PRSS23: variants seen among roughly 807,000 people sequenced by gnomAD.
PRSS23 encodes serine protease 23, also known as protease, serine 23.
In PRSS23, 25 loss-of-function variants were observed where a neutral mutation model predicts 34.7. The ratio of observed to expected loss-of-function variants is 0.72; its 90% CI spans 0.53 to 1.01. The LOEUF is 1.01. Ranked by LOEUF, PRSS23 falls within the 50% of genes least tolerant of loss-of-function variation. The pLI, the probability that PRSS23 is intolerant of heterozygous loss-of-function variation, is 0.00. For missense variants in PRSS23, 445 were observed against 475.6 expected (o/e 0.94, Z 0.60); for synonymous variants, 176 against 186.6 (o/e 0.94, Z 0.46).
At chr11:86,825,112 C>T (rs1205655863) in intron 2 of PRSS23, among the ~76,000 whole-genome samples, 6 of 151,600 alleles carry the variant, frequency 4.0e-5, no homozygotes, top group Admixed American at 1.3e-4. Flanking sequence ...TAAAAGTGTT[C>T]CTATTTCTCC....
intron 2 of PRSS23, among the ~76,000 whole-genome samples, chr11:86,865,580 G>T (rs1317498126): frequency 1.3e-5 from 2 of 152,210 alleles, no homozygotes; most frequent in Non-Finnish European, 2.9e-5. Flanking sequence ...GAGGGAGAAA[G>T]CAAGCTGTTG....
intron 1 of PRSS23, among the ~76,000 whole-genome samples, chr11:86,805,456 A>C (rs1207607869): frequency 6.6e-6 from 1 of 152,244 alleles, no homozygotes; most frequent in Non-Finnish European, 1.5e-5. Flanking sequence ...GTGTGTGCAC[A>C]TATGCGGGCA....
chr11:86,831,224 A>T (rs1241035538), intron 2 of PRSS23, among the ~76,000 whole-genome samples: 1 of 152,122 alleles, frequency 6.6e-6, no homozygotes, highest in Non-Finnish European at 1.5e-5. Context: ...TCCTAAGGGA[A>T]TATTACTCCT....
intron 2 of PRSS23, among the ~76,000 whole-genome samples, chr11:86,922,358 A>G (rs1291052551): frequency 6.6e-6 from 1 of 152,148 alleles, no homozygotes; most frequent in Non-Finnish European, 1.5e-5. Context: ...AAATGTGACC[A>G]GGTACAGTGG....
chr11:86,810,195 C>T lies in PRSS23; in HGVS notation c.*1400C>T, dbSNP rs1012139918. ...TTGTATGTTTTTATTTTATGGCTCTCGGCCTAAGCACTTCTTTCTAAATGT... is the reference window on the plus strand; with the variant it reads ...TTGTATGTTTTTATTTTATGGCTCTTGGCCTAAGCACTTCTTTCTAAATGT... On this transcript the variant is annotated 3_prime_UTR_variant, in exon 2 of 2. Transcript: ENST00000280258. 3 of 166,768 alleles carry T rather than the reference C, an allele frequency of 1.8e-5. No homozygotes were observed. The highest frequency in any genetic ancestry group is 2.9e-5 in the Non-Finnish European group (2 of 68,128). The allele number at this position is 166,768 out of a possible 1,614,324, so 10.3% of individuals were successfully genotyped here.
At chr11:86,852,763 C>G (rs535945058) in intron 2 of PRSS23, among the ~76,000 whole-genome samples, 1 of 152,098 alleles carries the variant, frequency 6.6e-6, no homozygotes, top group African/African-American at 2.4e-5. Context: ...CTCTCTCGCC[C>G]ACCCCTGGGG....
chr11:86,902,839 A>T (rs1302159988), intron 2 of PRSS23, among the ~76,000 whole-genome samples: 1 of 152,182 alleles, frequency 6.6e-6, no homozygotes, highest in Non-Finnish European at 1.5e-5. Context: ...AGGATCAAAG[A>T]TGAATATAAT....
Position 86,807,670 on chromosome 11 carries a change from CCTTCT to C in PRSS23, c.33_37del (p.Phe12SerfsTer58), listed in dbSNP as rs1209273645. ...TGGCAGGGATTCCAGGGCTCCTCTT[CCTTCT>C]CTTCTTTCTGCTCTGTGCTGTTGGG... is the stretch of plus-strand genomic sequence containing the variant. On this transcript the variant is annotated frameshift_variant, in exon 2 of 2. Coordinates refer to ENST00000280258, the MANE Select transcript of PRSS23 (RefSeq NM_007173.6). LOFTEE classifies it high-confidence loss of function. 6.2e-7 allele frequency: 1 copy of C among 1,612,498 alleles called. No individual in the cohort carries two copies. The highest frequency in any genetic ancestry group is 1.7e-5 in the Admixed American group (1 of 59,892).
intron 2 of PRSS23, chr11:86,832,829 A>G (rs1361413323): frequency 3.9e-5 from 12 of 304,898 alleles, no homozygotes; most frequent in Non-Finnish European, 6.3e-6. Context: ...TGAGATAGGA[A>G]GAAAACCAAA....
intron 2 of PRSS23, chr11:86,911,298 A>G (rs1344603981): frequency 2.0e-5 from 3 of 152,100 alleles, no homozygotes; most frequent in Non-Finnish European, 4.4e-5. Context: ...ATTTTTATAT[A>G]GAAATATTTT....
intron 2 of PRSS23, among the ~76,000 whole-genome samples, chr11:86,886,354 G>A (rs909460031): frequency 6.6e-6 from 1 of 152,168 alleles, no homozygotes; most frequent in Non-Finnish European, 1.5e-5. Context: ...TGGATCATTT[G>A]TAGGAGTATA....
At chr11:86,868,288 T>C (rs1016644723) in intron 2 of PRSS23, among the ~76,000 whole-genome samples, 7 of 152,136 alleles carry the variant, frequency 4.6e-5, no homozygotes, top group African/African-American at 1.4e-4. Context: ...GTTCCTTGAG[T>C]GAGAAAGAGA....
At chr11:86,791,590 T>G (rs1446158712) in intron 1 of PRSS23, among the ~76,000 whole-genome samples, 1 of 152,134 alleles carries the variant, frequency 6.6e-6, no homozygotes, top group Non-Finnish European at 1.5e-5. Flanking sequence ...AGCTCTCACC[T>G]CCACAAAGAG....
At chr11:86,937,351 C>G (rs1172603235) in intron 2 of PRSS23, 1 of 152,152 alleles carries the variant, frequency 6.6e-6, no homozygotes, top group Non-Finnish European at 1.5e-5. Context: ...GCATGGCTCC[C>G]CTAATTATAG....
chr11:86,840,635 AC>A (rs1468195292), intron 2 of PRSS23, among the ~76,000 whole-genome samples: 1 of 152,226 alleles, frequency 6.6e-6, no homozygotes. Context: ...AGAACTCTCT[AC>A]CCCAAATCAA....
At chr11:86,906,712 C>T (rs1226860549) in intron 2 of PRSS23, among the ~76,000 whole-genome samples, 3 of 152,262 alleles carry the variant, frequency 2.0e-5, no homozygotes, top group South Asian at 4.2e-4. Context: ...AACCCAAGGT[C>T]CTCTATCACT....
chr11:86,862,336 G>A (rs1290503923), intron 2 of PRSS23, among the ~76,000 whole-genome samples: 3 of 151,660 alleles, frequency 2.0e-5, no homozygotes, highest in African/African-American at 7.3e-5. Flanking sequence ...ATTTTTAGGG[G>A]GTGTTACTCC....
chr11:86,933,587 G>A (rs11234885), intron 2 of PRSS23: 5,984 of 152,324 alleles, frequency 0.039, 176 homozygotes, highest in African/African-American at 0.086. Context: ...GGCTCTAACA[G>A]ATGCCAGGAG....
chr11:86,847,046 T>C (rs896255422), intron 2 of PRSS23, among the ~76,000 whole-genome samples: 1 of 152,214 alleles, frequency 6.6e-6, no homozygotes, highest in Non-Finnish European at 1.5e-5. Flanking sequence ...TTCAACCATT[T>C]AATAATTGGT....
Sources: allele counts gnomAD v4.1 joint callset (sites outside exome capture counted in the v4.1 genomes callset), GRCh38; gene constraint gnomAD v4.1.1; transcripts MANE v1.5; gene names NCBI Gene and HGNC (gene_info 2026-07-23, HGNC 2026-07-21).